Variants in PAK5 observed in about 807,000 individuals in gnomAD.
PAK5 encodes serine/threonine-protein kinase PAK 5.
A neutral mutation model predicts 65.9 loss-of-function variants in PAK5; 16 were observed. The observed-to-expected ratio is 0.24, with a 90% CI of 0.16 to 0.37. The LOEUF (loss-of-function observed/expected upper bound fraction) is 0.37. Among genes scored for constraint, PAK5 ranks in the 10% least tolerant of loss-of-function variants. PAK5 has a pLI of 1.00. For synonymous variants in PAK5, 371 were observed against 354.9 expected (o/e 1.05, Z -0.51); for missense variants, 785 against 903.9 (o/e 0.87, Z 1.69).
intron 2 of PAK5, among the ~76,000 whole-genome samples, chr20:9,665,438 A>G (rs1333106115): frequency 6.6e-6 from 1 of 152,022 alleles, no homozygotes; most frequent in African/African-American, 2.4e-5. Context: ...ATGTGGCAAA[A>G]TTCTTGCCAT....
intron 1 of PAK5, among the ~76,000 whole-genome samples, chr20:9,738,170 C>A (rs1013892108): frequency 3.3e-5 from 5 of 150,160 alleles, no homozygotes; most frequent in Admixed American, 1.3e-4. Flanking sequence ...AACAAACAAA[C>A]AAAAAAACAA....
intron 1 of PAK5, among the ~76,000 whole-genome samples, chr20:9,721,789 A>C (rs1423949472): frequency 1.3e-5 from 2 of 152,068 alleles, no homozygotes; most frequent in Non-Finnish European, 2.9e-5. Flanking sequence ...TATAGTTCAG[A>C]AAATAGAGCA....
intron 2 of PAK5, among the ~76,000 whole-genome samples, chr20:9,697,528 T>C (rs970516328): frequency 1.3e-5 from 2 of 152,140 alleles, no homozygotes; most frequent in Non-Finnish European, 2.9e-5. Context: ...ATCTTTATGG[T>C]TGTGTCTAAA....
chr20:9,742,330 T>TCC (rs2048459156), intron 1 of PAK5, among the ~76,000 whole-genome samples: 2 of 152,132 alleles, frequency 1.3e-5, no homozygotes, highest in Admixed American at 1.3e-4. Context: ...CATACAAAGG[T>TCC]TAACTATGAA....
rs1477076332 is a variant in PAK5, at chr20:9,539,324, C to A, written c.*138G>T. On this transcript the variant is annotated 3_prime_UTR_variant, in exon 10 of 10. Coordinates refer to ENST00000353224, the MANE Select transcript of PAK5 (RefSeq NM_177990.4). ...CAAGAAGATGCCCTGGTCTGTTGAACCCTGCCGGTCATCACGCTGTCCCAC... is the reference window on the plus strand; with the variant it reads ...CAAGAAGATGCCCTGGTCTGTTGAAACCTGCCGGTCATCACGCTGTCCCAC... 5 of 778,352 alleles carry A rather than the reference C, an allele frequency of 6.4e-6. No individual in the cohort carries two copies. The highest frequency in any genetic ancestry group is 4.3e-5 in the Admixed American group (2 of 46,966). The allele number at this position is 778,352 out of a possible 1,614,324, so 48.2% of individuals were successfully genotyped here. A position where few individuals can be genotyped will look rare whatever the true frequency, so the allele number is the denominator to read the frequency against.
intron 3 of PAK5, among the ~76,000 whole-genome samples, chr20:9,596,119 C>T (rs1321946688): frequency 6.6e-6 from 1 of 152,092 alleles, no homozygotes; most frequent in East Asian, 1.9e-4. Flanking sequence ...TAAAAAATTC[C>T]TCTCAATGAC....
intron 3 of PAK5, among the ~76,000 whole-genome samples, chr20:9,581,254 C>T (rs2045975617): frequency 6.6e-6 from 1 of 152,170 alleles, no homozygotes; most frequent in African/African-American, 2.4e-5. Context: ...CCTACTTCTT[C>T]TACCTAAATA....
At chr20:9,581,464 C>T (rs1461422043) in intron 3 of PAK5, among the ~76,000 whole-genome samples, 1 of 152,014 alleles carries the variant, frequency 6.6e-6, no homozygotes, top group African/African-American at 2.4e-5. Context: ...GACATAATAA[C>T]TGAGGTTATG....
chr20:9,793,613 T>A (rs2049073332), intron 1 of PAK5, among the ~76,000 whole-genome samples: 1 of 152,010 alleles, frequency 6.6e-6, no homozygotes, highest in Non-Finnish European at 1.5e-5. Context: ...TAAATGCAAA[T>A]CAAAATCATA....
intron 3 of PAK5, among the ~76,000 whole-genome samples, chr20:9,584,552 C>G (rs575519468): frequency 6.6e-6 from 1 of 152,288 alleles, no homozygotes; most frequent in South Asian, 2.1e-4. Flanking sequence ...ACCTCGTGAT[C>G]CACCCGCCTT....
intron 1 of PAK5, among the ~76,000 whole-genome samples, chr20:9,837,191 G>T (rs541187115): frequency 1.3e-5 from 2 of 152,294 alleles, no homozygotes; most frequent in African/African-American, 2.4e-5. Context: ...ACTTGCCATT[G>T]GCTTATATTG....
intron 3 of PAK5, among the ~76,000 whole-genome samples, chr20:9,618,252 C>T (rs1226347572): frequency 6.6e-6 from 1 of 151,828 alleles, no homozygotes; most frequent in South Asian, 2.1e-4. Context: ...AGTCAGGTAC[C>T]CCCCCAAGTT....
At position 9,553,205 on chromosome 20, in the gene PAK5, A is replaced by G. The variant is rs112028907; in HGVS notation, c.1743+4403T>C. ...TTACAAATGAACTCATTGTGTGTGT[A>G]GTGTATATAAGTATACTCTGAAATT... On this transcript the variant is annotated intron_variant, in intron 7 of 9. Coordinates refer to ENST00000353224, the MANE Select transcript of PAK5 (RefSeq NM_177990.4). Among the ~76,000 whole-genome samples, 1,271 of 152,278 alleles carry G rather than the reference A, an allele frequency of 8.3e-3. 8 individuals are homozygous for G. Among genetic ancestry groups the G allele is most frequent in the African/African-American group, 0.029 (1,200 of 41,558 alleles).
intron 2 of PAK5, among the ~76,000 whole-genome samples, chr20:9,653,925 A>G (rs940811737): frequency 5.4e-5 from 8 of 149,354 alleles, no homozygotes; most frequent in African/African-American, 2.0e-4. Context: ...CTGTTATTCC[A>G]TCTTTCCCAC....
At chr20:9,642,329 C>G (rs1454425790) in intron 3 of PAK5, among the ~76,000 whole-genome samples, 1 of 152,194 alleles carries the variant, frequency 6.6e-6, no homozygotes, top group Non-Finnish European at 1.5e-5. Context: ...TGTTTCCTGA[C>G]TTTTTAATGA....
rs114937935 is a variant in PAK5, at chr20:9,791,775, G to A, written c.-162+46987C>T. On this transcript the variant is annotated intron_variant, in intron 1 of 9. Coordinates refer to ENST00000353224, the MANE Select transcript of PAK5 (RefSeq NM_177990.4). The stretch of plus-strand genomic sequence containing the variant: ...GAAGGACTCCTTTAAAAAGGCATCC[G>A]GTGGGTGACCCATGAGCCTCATAGA... 9.0e-3 allele frequency among the ~76,000 whole-genome samples: 1,373 copies of A among 152,224 alleles called. 12 individuals are homozygous for A. The highest frequency in any genetic ancestry group is 0.03 in the African/African-American group (1,239 of 41,540).
chr20:9,564,660 C>A (rs1191832982), intron 5 of PAK5, among the ~76,000 whole-genome samples: 1 of 152,054 alleles, frequency 6.6e-6, no homozygotes. Flanking sequence ...AAGTACATAT[C>A]ATTTGATCTG....
chr20:9,609,377 A>G (rs1284515082), intron 3 of PAK5, among the ~76,000 whole-genome samples: 1 of 152,252 alleles, frequency 6.6e-6, no homozygotes, highest in Non-Finnish European at 1.5e-5. Context: ...TGAAAATCAA[A>G]GTATCACAGT....
At chr20:9,621,400 C>G (rs966857150) in intron 3 of PAK5, among the ~76,000 whole-genome samples, 4 of 113,820 alleles carry the variant, frequency 3.5e-5, no homozygotes, top group Non-Finnish European at 5.6e-5. Context: ...CAGGGCAGGA[C>G]TGATTAAAAA....
Sources: gnomAD v4.1 joint callset for allele counts (sites outside exome capture counted in the v4.1 genomes callset) on GRCh38, gnomAD v4.1.1 for gene constraint, MANE v1.5 for transcripts, NCBI Gene and HGNC (gene_info 2026-07-23, HGNC 2026-07-21) for gene names.